The following PCP2 variants were observed in gnomAD, a reference collection of about 807,000 sequenced individuals.
PCP2 encodes Purkinje cell protein 2 homolog.
In PCP2, 21 loss-of-function variants were observed where a neutral mutation model predicts 18.3. That is an observed-to-expected ratio of 1.14 (90% CI 0.81 to 1.65). The LOEUF is 1.65. Among genes scored for constraint, PCP2 ranks in the 40% most tolerant of loss-of-function variants. The pLI, the probability that PCP2 is intolerant of heterozygous loss-of-function variation, is 0.00. For missense variants in PCP2, 202 were observed against 201.8 expected (o/e 1.00, Z 0.00); for synonymous variants, 85 against 77.6 (o/e 1.10, Z -0.50).
In PCP2 at chr19:7,633,493, G is replaced by GC. The variant is rs2031422449; in HGVS notation, c.-37dup. On this transcript the variant is annotated 5_prime_UTR_variant, in exon 1 of 4. The change creates a premature stop within an existing upstream ORF in the 5' untranslated region. Coordinates refer to ENST00000311069, the MANE Select transcript of PCP2 (RefSeq NM_174895.3). ...TCCAGTCACTTTTCTGCTGGCCTCT[G>GC]CCCCGGCCCAGTGCCAGAGAGGGCC... 6.4e-7 allele frequency: 1 copy of GC among 1,557,214 alleles called. No homozygotes were observed. The highest frequency in any genetic ancestry group is 1.4e-5 in the African/African-American group (1 of 73,548).
rs111763211 is a variant in PCP2, at chr19:7,632,845, G to A, written c.52-15C>T. The A allele has an allele frequency of 1.0e-5, 16 of 1,542,958 alleles. No homozygotes were observed. In the African/African-American group the frequency reaches 1.1e-4, roughly 11 times the overall value. ...GGGGAGCCCGCCTGGGGACAGACTC[G>A]CTCAGTCTGGTTGGCCCTTCAGCTT... On this transcript the variant is annotated splice_polypyrimidine_tract_variant and intron_variant, in intron 1 of 3. Coordinates refer to ENST00000311069, the MANE Select transcript of PCP2 (RefSeq NM_174895.3). This position sits in a 1 kb window ranked among gnomAD's most constrained non-coding sequence, Gnocchi z 5.2.
chr19:7,632,696 AC>A lies in PCP2; in HGVS notation c.166+19del, dbSNP rs1568459041. On this transcript the variant is annotated intron_variant, in intron 2 of 3. Transcript: ENST00000311069. This position sits in a 1 kb window ranked among gnomAD's most constrained non-coding sequence, Gnocchi z 5.2. ...ACCCCGTTCACGCCCCATGGACAGC[AC>A]CCCCGTGCCCATGCTCACGGCTCTT... 1 of 1,545,128 alleles carries A rather than the reference AC, an allele frequency of 6.5e-7. No individual in the cohort carries two copies.
At chr19:7,634,319 C>G (rs3745364), upstream of PCP2, among the ~76,000 whole-genome samples, 1 of 152,044 alleles carries the variant, frequency 6.6e-6, no homozygotes, top group African/African-American at 2.4e-5. Context: ...CCCCAAGACG[C>G]CTTTACGGAA....
rs1471321976 is a variant in PCP2 at position 7,632,819 on chromosome 19, T to C, written c.63A>G (p.Pro21=). ...GSGPCAEAGS[P]DQEGFFNLLS... ...GCAGATTGAAGAAGCCCTCCTGGTC[T>C]GGGGAGCCCGCCTGGGGACAGACTC... Residue 21 remains proline (P), a synonymous_variant, in exon 2 of 4, where the codon CCA becomes CCG. Coordinates refer to ENST00000311069, the MANE Select transcript of PCP2 (RefSeq NM_174895.3). The surrounding 1 kb of genome is among the most constrained non-coding windows in gnomAD (Gnocchi z 5.2). 6.4e-7 allele frequency: 1 copy of C among 1,553,052 alleles called. No homozygotes were observed. The highest frequency in any genetic ancestry group is 1.4e-5 in the African/African-American group (1 of 73,430).
At chr19:7,634,376 C>T (rs1296541058), upstream of PCP2, among the ~76,000 whole-genome samples, 1 of 152,206 alleles carries the variant, frequency 6.6e-6, no homozygotes, top group African/African-American at 2.4e-5. Flanking sequence ...ACTATCACCA[C>T]CTCTGCCCGA....
chr19:7,634,267 C>T (rs562577308), upstream of PCP2, among the ~76,000 whole-genome samples: 1 of 152,148 alleles, frequency 6.6e-6, no homozygotes, highest in Admixed American at 6.5e-5. Context: ...AGTGCCCAAG[C>T]AGGGGATACC....
At position 7,632,509 on chromosome 19, in the gene PCP2, G is replaced by A. The variant is rs1446430014; in HGVS notation, c.175C>T (p.Pro59Ser). The A allele has an allele frequency of 6.2e-7, 1 of 1,613,206 alleles. No homozygotes were observed. Among genetic ancestry groups the A allele is most frequent in the Non-Finnish European group, 8.5e-7 (1 of 1,179,930 alleles). Reference sequence around the variant, plus strand: ...ATGAGGCTGTCCATCTCGGGGGTGGGGTCGCTCTCTGCGTGGACGTTCACA... The same window carrying A: ...ATGAGGCTGTCCATCTCGGGGGTGGAGTCGCTCTCTGCGTGGACGTTCACA... Reference protein sequence around the residue: ...PGQTTKSQSDPTPEMDSLMDM... With the variant: ...PGQTTKSQSDSTPEMDSLMDM... The change falls in exon 3 of 4, where the codon CCC becomes TCC. Residue 59 changes from proline to serine, a missense_variant. Pro to Ser is a moderately conservative substitution (Grantham distance 74, BLOSUM62 -1). Transcript: ENST00000311069. This position sits in a 1 kb window ranked among gnomAD's most constrained non-coding sequence, Gnocchi z 5.2.
At chr19:7,636,434 A>G (rs561925615), upstream of PCP2, 1 of 152,150 alleles carries the variant, frequency 6.6e-6, no homozygotes, top group South Asian at 2.1e-4. Context: ...TGTTAATTCG[A>G]TTGTTGGTCC....
upstream of PCP2, chr19:7,636,563 C>G (rs1255688020): frequency 6.6e-6 from 1 of 152,218 alleles, no homozygotes; most frequent in African/African-American, 2.4e-5. Flanking sequence ...TTAGGGATCC[C>G]GCTAAGCCTC....
At position 7,632,359 on chromosome 19, in the gene PCP2, G is replaced by A. The variant is rs775899559; in HGVS notation, c.291+34C>T. 8 of 1,612,278 alleles carry A rather than the reference G, an allele frequency of 5.0e-6. No homozygotes were observed. The Admixed American group carries it at 1.3e-4, about 27-fold the overall frequency. ...CAGGATCGGAGAGCACTGCCTGGCGGGTTTCTCCTCGACATCGCCAGAACA... is the reference window on the plus strand; with the variant it reads ...CAGGATCGGAGAGCACTGCCTGGCGAGTTTCTCCTCGACATCGCCAGAACA... On this transcript the variant is annotated intron_variant, in intron 3 of 3. Transcript: ENST00000311069. This position sits in a 1 kb window ranked among gnomAD's most constrained non-coding sequence, Gnocchi z 5.2.
At chr19:7,635,796 G>A (rs2031506583), upstream of PCP2, among the ~76,000 whole-genome samples, 1 of 152,140 alleles carries the variant, frequency 6.6e-6, no homozygotes, top group Non-Finnish European at 1.5e-5. Flanking sequence ...TCCTACCTAC[G>A]GTTGCCAACC....
At position 7,632,666 on chromosome 19, in the gene PCP2, C is replaced by G. The variant is rs777619396; in HGVS notation, c.166+50G>C. The stretch of plus-strand genomic sequence containing the variant: ...CCTCCAGATGACCACTTGCCCTGCA[C>G]TCCCACCCCGTTCACGCCCCATGGA... On this transcript the variant is annotated intron_variant, in intron 2 of 3. Transcript: ENST00000311069. The surrounding 1 kb of genome is among the most constrained non-coding windows in gnomAD (Gnocchi z 5.2). The G allele has an allele frequency of 6.4e-7, 1 of 1,553,998 alleles. No individual in the cohort carries two copies. The highest frequency in any genetic ancestry group is 1.9e-5 in the Admixed American group (1 of 52,608).
At chr19:7,636,059 C>T (rs1355302745), upstream of PCP2, among the ~76,000 whole-genome samples, 2 of 152,126 alleles carry the variant, frequency 1.3e-5, no homozygotes, top group South Asian at 2.1e-4. Context: ...AGTAAAGTCC[C>T]CTCCCACCCC....
chr19:7,632,386 C>T lies in PCP2; in HGVS notation c.291+7G>A. On this transcript the variant is annotated splice_region_variant and intron_variant, in intron 3 of 3. Transcript: ENST00000311069. This position sits in a 1 kb window ranked among gnomAD's most constrained non-coding sequence, Gnocchi z 5.2. Reference sequence around the variant, plus strand: ...TTTCTCCTCGACATCGCCAGAACATCACCTACCTTGGACCCCACGGGCTGG... The same window carrying T: ...TTTCTCCTCGACATCGCCAGAACATTACCTACCTTGGACCCCACGGGCTGG... The T allele has an allele frequency of 6.2e-7, 1 of 1,613,760 alleles. No individual in the cohort carries two copies. The highest frequency in any genetic ancestry group is 8.5e-7 in the Non-Finnish European group (1 of 1,179,904).
In PCP2 at chr19:7,632,706, C is replaced by T. The variant is rs2031373770; in HGVS notation, c.166+10G>A. On this transcript the variant is annotated intron_variant, in intron 2 of 3. Transcript: ENST00000311069. The surrounding 1 kb of genome is among the most constrained non-coding windows in gnomAD (Gnocchi z 5.2). ...CGCCCCATGGACAGCACCCCCGTGC[C>T]CATGCTCACGGCTCTTGGTGGTCTG... 2 of 1,553,964 alleles carry T rather than the reference C, an allele frequency of 1.3e-6. No individual in the cohort carries two copies. The highest frequency in any genetic ancestry group is 1.7e-6 in the Non-Finnish European group (2 of 1,154,926).
Position 7,631,805 on chromosome 19 carries a change from C to T in PCP2, c.295G>A (p.Gly99Arg), listed in dbSNP as rs146240104. The change falls in exon 4 of 4, where the codon GGA (glycine) becomes AGA (arginine). Residue 99 changes from glycine to arginine, a missense_variant. Gly to Arg is a moderately radical substitution (Grantham distance 125). Coordinates refer to ENST00000311069, the MANE Select transcript of PCP2 (RefSeq NM_174895.3). ...AGGGTCCCAGCTCGTTTCTGTGCTCCGTCCTGTGGATGAAGAGGGGTCAGC... is the reference window on the plus strand; with the variant it reads ...AGGGTCCCAGCTCGTTTCTGTGCTCTGTCCTGTGGATGAAGAGGGGTCAGC... ...PGFQPVGSKD[G>R]AQKRAGTLSP... 3,712 of 1,403,424 alleles carry T rather than the reference C, an allele frequency of 2.6e-3. 6 individuals are homozygous for T. Among genetic ancestry groups the T allele is most frequent in the Non-Finnish European group, 3.0e-3 (3,252 of 1,073,656 alleles). 86.9% of individuals were successfully genotyped at this position (1,403,424 alleles called of 1,614,324 possible).
upstream of PCP2, among the ~76,000 whole-genome samples, chr19:7,635,584 T>C (rs2031495283): frequency 6.6e-6 from 1 of 152,158 alleles, no homozygotes; most frequent in African/African-American, 2.4e-5. Context: ...TAGTCCCAGC[T>C]ACTTGGGTGG....
At chr19:7,633,237 G>T (rs2031405842) in intron 1 of PCP2, among the ~76,000 whole-genome samples, 170 bp downstream of exon 1, 1 of 152,212 alleles carries the variant, frequency 6.6e-6, no homozygotes, top group Non-Finnish European at 1.5e-5. Context: ...CCTCTGCCCT[G>T]GGGCCTGGCA....
At chr19:7,634,514 T>G (rs2031456128), upstream of PCP2, among the ~76,000 whole-genome samples, 1 of 152,206 alleles carries the variant, frequency 6.6e-6, no homozygotes, top group South Asian at 2.1e-4. Flanking sequence ...CCAGATGGCT[T>G]AAAACACATA....
Sources: allele counts gnomAD v4.1 joint callset (sites outside exome capture counted in the v4.1 genomes callset), GRCh38; gene constraint gnomAD v4.1.1; non-coding constraint Gnocchi (gnomAD v3.1); transcripts MANE v1.5; gene names NCBI Gene and HGNC (gene_info 2026-07-23, HGNC 2026-07-21).